Variants in SMARCC1 observed in about 807,000 individuals in gnomAD.
SMARCC1 encodes SWI/SNF complex subunit SMARCC1.
SMARCC1 carries 43 observed loss-of-function variants against 147.4 expected under a neutral mutation model. The observed-to-expected ratio is 0.29, with a 90% CI of 0.23 to 0.38. SMARCC1 has a LOEUF of 0.38. Among genes scored for constraint, SMARCC1 ranks in the 10% least tolerant of loss-of-function variants. The probability of loss-of-function intolerance (pLI) is 1.00; values close to 1 mark genes in which losing one functional copy is unlikely to be tolerated. For missense variants in SMARCC1, 1,119 were observed against 1,381.1 expected (o/e 0.81, Z 3.01); for synonymous variants, 495 against 484.4 (o/e 1.02, Z -0.29).
intron 25 of SMARCC1, among the ~76,000 whole-genome samples, chr3:47,620,249 A>G (rs34252990): frequency 0.62 from 93,881 of 151,910 alleles, 29,733 homozygotes; most frequent in East Asian, 0.72. Flanking sequence ...GACTGCCTGA[A>G]CTCAGGAGTT....
At chr3:47,664,486 AATTT>A (rs1426983558) in intron 19 of SMARCC1, among the ~76,000 whole-genome samples, 1 of 152,200 alleles carries the variant, frequency 6.6e-6, no homozygotes, top group Non-Finnish European at 1.5e-5. Context: ...CTAGTTTTAT[AATTT>A]ATTATTTTTT....
intron 25 of SMARCC1, among the ~76,000 whole-genome samples, chr3:47,615,746 C>A (rs1275795183): frequency 1.3e-5 from 2 of 152,116 alleles, no homozygotes; most frequent in Non-Finnish European, 2.9e-5. Context: ...TGCAATGGCG[C>A]CATCACGGCT....
In SMARCC1 at chr3:47,586,710, CT is replaced by C. The variant is rs1350771912; in HGVS notation, c.*1498del. 2.0e-5 allele frequency: 3 copies of C among 152,558 alleles called. No individual in the cohort carries two copies. The highest frequency in any genetic ancestry group is 7.2e-5 in the African/African-American group (3 of 41,416). 9.5% of individuals were successfully genotyped at this position (152,558 alleles called of 1,614,324 possible). On this transcript the variant is annotated 3_prime_UTR_variant, in exon 28 of 28. Coordinates refer to ENST00000254480, the MANE Select transcript of SMARCC1 (RefSeq NM_003074.4). ...ATCCAAAAGATGTCCACCTTGCATT[CT>C]AAATAATGAAACTGCCACTTGAGAA... is the stretch of plus-strand genomic sequence containing the variant.
intron 2 of SMARCC1, among the ~76,000 whole-genome samples, chr3:47,769,373 G>A (rs190775176): frequency 6.0e-5 from 9 of 151,182 alleles, no homozygotes; most frequent in Non-Finnish European, 1.2e-4. Context: ...AAAATTAGCC[G>A]GGCGCAGTGG....
intron 1 of SMARCC1, among the ~76,000 whole-genome samples, chr3:47,773,967 G>C (rs2034944734): frequency 1.3e-5 from 2 of 151,976 alleles, no homozygotes; most frequent in Admixed American, 6.6e-5. Context: ...TTCCAAGCAA[G>C]AAAAACATCT....
intron 2 of SMARCC1, among the ~76,000 whole-genome samples, chr3:47,770,088 T>C (rs2034889161): frequency 6.7e-6 from 1 of 150,148 alleles, no homozygotes; most frequent in Non-Finnish European, 1.5e-5. Context: ...AATTAGCCAG[T>C]GTGGTGGTGG....
At chr3:47,738,007 A>G (rs1270411439) in intron 4 of SMARCC1, 22 bp downstream of exon 4, 1 of 1,543,004 alleles carries the variant, frequency 6.5e-7, no homozygotes, top group African/African-American at 1.4e-5. Flanking sequence ...AACTTTTTAA[A>G]TAACCTAAGT....
intron 24 of SMARCC1, among the ~76,000 whole-genome samples, chr3:47,632,970 A>G (rs1455109492): frequency 6.8e-6 from 1 of 146,740 alleles, no homozygotes; most frequent in African/African-American, 2.5e-5. Flanking sequence ...ATGAAGTTAA[A>G]AAAAAAAAAA....
chr3:47,781,733 G>A lies in SMARCC1; in HGVS notation c.65C>T (p.Ala22Val). Reference sequence around the variant, plus strand: ...AACAGCTAGGCCTGCGGCTGCCGCCGCAATCCCCGAGCCCGTGGCGCCTAC... The same window carrying A: ...AACAGCTAGGCCTGCGGCTGCCGCCACAATCCCCGAGCCCGTGGCGCCTAC... ...TAVGATGSGI[A>V]AAAAGLAVYR... The change falls in exon 1 of 28, where the codon GCG becomes GTG. Residue 22 changes from alanine to valine, a missense_variant. Transcript: ENST00000254480. The A allele has an allele frequency of 1.9e-6, 3 of 1,553,296 alleles. No individual in the cohort carries two copies. The highest frequency in any genetic ancestry group is 2.6e-6 in the Non-Finnish European group (3 of 1,154,692).
At chr3:47,740,532 A>C (rs950401951) in intron 3 of SMARCC1, among the ~76,000 whole-genome samples, 2 of 149,348 alleles carry the variant, frequency 1.3e-5, no homozygotes, top group Non-Finnish European at 3.0e-5. Flanking sequence ...GTAGAAATGG[A>C]GTTTCACCAT....
intron 2 of SMARCC1, among the ~76,000 whole-genome samples, chr3:47,748,093 G>T (rs1272391726): frequency 1.3e-5 from 2 of 152,080 alleles, no homozygotes; most frequent in Non-Finnish European, 2.9e-5. Context: ...AGGGGCAGAG[G>T]TTGCCAAGAT....
intron 5 of SMARCC1, among the ~76,000 whole-genome samples, chr3:47,732,877 A>AG (rs894468282): frequency 2.8e-4 from 43 of 152,168 alleles, no homozygotes; most frequent in South Asian, 6.2e-4. Context: ...TGGGAGGCCG[A>AG]GGGGGGTGGA....
At position 47,748,520 on chromosome 3, in the gene SMARCC1, G is replaced by A. The variant is rs575115518; in HGVS notation, c.316-2527C>T. Among the ~76,000 whole-genome samples, 9 of 65,438 alleles carry A rather than the reference G, an allele frequency of 1.4e-4. No individual in the cohort carries two copies. In the East Asian group the frequency reaches 1.7e-3, roughly 12 times the overall value. The allele number at this position is 65,438 out of a possible 152,430, so 42.9% of individuals were successfully genotyped here. On this transcript the variant is annotated intron_variant, in intron 2 of 27. Transcript: ENST00000254480. ...ATTACAGGCATGAGCCACCGCACCC[G>A]GCCTATTATAATATTTAATGACCAT...
intron 6 of SMARCC1, among the ~76,000 whole-genome samples, chr3:47,726,771 C>G (rs573027856): frequency 6.6e-6 from 1 of 152,268 alleles, no homozygotes; most frequent in African/African-American, 2.4e-5. Flanking sequence ...TGGTCAAATT[C>G]TTAGTCTCTG....
chr3:47,609,462 A>G (rs903771203), intron 26 of SMARCC1, among the ~76,000 whole-genome samples: 10 of 151,540 alleles, frequency 6.6e-5, no homozygotes, highest in African/African-American at 2.4e-4. Context: ...GCGCCACTGC[A>G]CTCCAGCCTG....
Position 47,622,193 on chromosome 3 carries a change from T to C in SMARCC1, c.2781+14A>G. On this transcript the variant is annotated intron_variant, in intron 25 of 27. Coordinates refer to ENST00000254480, the MANE Select transcript of SMARCC1 (RefSeq NM_003074.4). ...TAATTGTGAAAAAGCCACTAAAAAA[T>C]TCCAAATACTTACAGCTTCTTTCTC... 1 of 1,594,014 alleles carries C rather than the reference T, an allele frequency of 6.3e-7. No homozygotes were observed. The highest frequency in any genetic ancestry group is 8.5e-7 in the Non-Finnish European group (1 of 1,174,844).
intron 2 of SMARCC1, 35 bp downstream of exon 2, chr3:47,772,782 A>G: frequency 6.3e-7 from 1 of 1,578,704 alleles, no homozygotes; most frequent in Non-Finnish European, 8.6e-7. Flanking sequence ...ACAGCAACTG[A>G]GGATGCCCAA....
chr3:47,711,807 T>C (rs974682841), intron 8 of SMARCC1, among the ~76,000 whole-genome samples: 2 of 152,156 alleles, frequency 1.3e-5, no homozygotes, highest in Non-Finnish European at 2.9e-5. Flanking sequence ...TACACAGTAA[T>C]ATACAGAAAC....
intron 26 of SMARCC1, among the ~76,000 whole-genome samples, chr3:47,593,386 G>A (rs2032218073): frequency 6.6e-6 from 1 of 151,446 alleles, no homozygotes; most frequent in Admixed American, 6.6e-5. Flanking sequence ...TGCCCAGGCT[G>A]GTATTGAACT....
Sources: gnomAD v4.1 joint callset for allele counts (sites outside exome capture counted in the v4.1 genomes callset) on GRCh38, gnomAD v4.1.1 for gene constraint, MANE v1.5 for transcripts, NCBI Gene and HGNC (gene_info 2026-07-23, HGNC 2026-07-21) for gene names.